Variants in PARVB observed in about 807,000 individuals in gnomAD.
PARVB encodes the protein beta-parvin.
A neutral mutation model predicts 47.0 loss-of-function variants in PARVB; 46 were observed. That is an observed-to-expected ratio of 0.98 (90% CI 0.77 to 1.25). PARVB has a LOEUF of 1.25. Ranked by LOEUF, PARVB falls within the 50% of genes most tolerant of loss-of-function variation. The probability of loss-of-function intolerance (pLI) is 0.00; values close to 1 mark genes in which losing one functional copy is unlikely to be tolerated. For missense variants in PARVB, 473 were observed against 471.6 expected (o/e 1.00, Z -0.03); for synonymous variants, 196 against 196.3 (o/e 1.00, Z 0.01).
chr22:44,151,217 A>G, intron 9 of PARVB: 1 of 373,588 alleles, frequency 2.7e-6, no homozygotes, highest in Non-Finnish European at 5.1e-6. Context: ...TGATTGTTAA[A>G]TATGTCATGC....
At position 44,030,415 on chromosome 22, in the gene PARVB, T is replaced by TG. The variant is rs563291393; in HGVS notation, c.112+5966dup. Among the ~76,000 whole-genome samples, 7 of 152,326 alleles carry TG rather than the reference T, an allele frequency of 4.6e-5. No homozygotes were observed. In the South Asian group the frequency reaches 1.4e-3, roughly 32 times the overall value. On this transcript the variant is annotated intron_variant, in intron 1 of 12. Coordinates refer to ENST00000338758, the MANE Select transcript of PARVB (RefSeq NM_013327.5). ...AGGAGACCCCCAGGCAGGCTCCCAG[T>TG]GGCTGAGCAACGGTGCAGCCTGTGG...
At chr22:44,157,204 C>A (rs2053954632) in intron 10 of PARVB, among the ~76,000 whole-genome samples, 1 of 152,196 alleles carries the variant, frequency 6.6e-6, no homozygotes, top group Non-Finnish European at 1.5e-5. Flanking sequence ...TGGTGAGGGC[C>A]ACCAGGTCCC....
chr22:44,165,804 A>G (rs1313518642), intron 12 of PARVB, among the ~76,000 whole-genome samples: 4 of 152,184 alleles, frequency 2.6e-5, no homozygotes, highest in Admixed American at 2.0e-4. Context: ...CTGAGCACCT[A>G]TTACGCTCAA....
intron 3 of PARVB, among the ~76,000 whole-genome samples, chr22:44,116,951 A>G (rs765115036): frequency 4.0e-5 from 6 of 151,802 alleles, no homozygotes; most frequent in Non-Finnish European, 8.8e-5. Context: ...CAAGAGGGAG[A>G]TGGGGAGGAG....
intron 3 of PARVB, chr22:44,115,030 A>T (rs1372110345): frequency 9.9e-6 from 1 of 100,668 alleles, no homozygotes; most frequent in Non-Finnish European, 2.0e-5. Context: ...GCACCAACAC[A>T]GATACATTGT....
At position 44,089,165 on chromosome 22, in the gene PARVB, C is replaced by T. The variant is rs1024882602; in HGVS notation, c.113-4763C>T. ...GTCTCTCTCTTCCTACCTGGCCCCC[C>T]GTGCAGGCCACAGAGCGTGGTGCTG... is the stretch of plus-strand genomic sequence containing the variant. On this transcript the variant is annotated intron_variant, in intron 1 of 12. Coordinates refer to ENST00000338758, the MANE Select transcript of PARVB (RefSeq NM_013327.5). The surrounding 1 kb of genome is among the most constrained non-coding windows in gnomAD (Gnocchi z 4.0). 6.6e-6 allele frequency among the ~76,000 whole-genome samples: 1 copy of T among 152,196 alleles called. No individual in the cohort carries two copies. Among genetic ancestry groups the T allele is most frequent in the African/African-American group, 2.4e-5 (1 of 41,444 alleles).
intron 2 of PARVB, among the ~76,000 whole-genome samples, chr22:44,015,705 G>C (rs1207244144): frequency 1.3e-5 from 2 of 152,166 alleles, no homozygotes; most frequent in Non-Finnish European, 2.9e-5. Context: ...TGTAGTCCCA[G>C]CTACTTGGGA....
At chr22:44,019,339 C>A (rs1040021156), upstream of PARVB, among the ~76,000 whole-genome samples, 32 of 152,262 alleles carry the variant, frequency 2.1e-4, no homozygotes, top group Non-Finnish European at 4.7e-4. Context: ...CCTGCCTCAG[C>A]CTCCCGAGTA....
chr22:44,068,428 A>G lies in PARVB; in HGVS notation c.113-25500A>G, dbSNP rs1432592675. Among the ~76,000 whole-genome samples the G allele has an allele frequency of 1.3e-5, 2 of 152,158 alleles. No individual in the cohort carries two copies. The highest frequency in any genetic ancestry group is 4.8e-5 in the African/African-American group (2 of 41,424). ...GGGGGAGCAAGTTGCCGGCCAAGGT[A>G]GGTATCATGCGAGTCCTACTTCTCC... On this transcript the variant is annotated intron_variant, in intron 1 of 12. Transcript: ENST00000338758. The surrounding 1 kb of genome is among the most constrained non-coding windows in gnomAD (Gnocchi z 4.1).
rs941628313 is a variant in PARVB, at chr22:44,049,592, C to T, written c.112+25141C>T. Among the ~76,000 whole-genome samples, 15 of 152,252 alleles carry T rather than the reference C, an allele frequency of 9.9e-5. No homozygotes were observed. The highest frequency in any genetic ancestry group is 2.4e-4 in the African/African-American group (10 of 41,476). On this transcript the variant is annotated intron_variant, in intron 1 of 12. Coordinates refer to ENST00000338758, the MANE Select transcript of PARVB (RefSeq NM_013327.5). This position sits in a 1 kb window ranked among gnomAD's most constrained non-coding sequence, Gnocchi z 4.0. ...AGCGATAAAAGGCCTGCTGAGGAAG[C>T]GGCCCCACTCCCAGCACAGCCCCAT...
Position 44,163,936 on chromosome 22 carries a change from G to A in PARVB, c.1018+6G>A, listed in dbSNP as rs1220137489. 1.2e-6 allele frequency: 2 copies of A among 1,606,734 alleles called. No homozygotes were observed. The highest frequency in any genetic ancestry group is 2.2e-5 in the East Asian group (1 of 44,540). ...ACCCAAGGCTCGTCCTGAAGGTAATGCCCCTGGCTCAGGTTCCCCCGGGAG... is the reference window on the plus strand; with the variant it reads ...ACCCAAGGCTCGTCCTGAAGGTAATACCCCTGGCTCAGGTTCCCCCGGGAG... On this transcript the variant is annotated splice_donor_region_variant and intron_variant, in intron 12 of 12. Transcript: ENST00000338758.
At chr22:44,101,138 G>A (rs954659366) in intron 3 of PARVB, among the ~76,000 whole-genome samples, 5 of 152,040 alleles carry the variant, frequency 3.3e-5, no homozygotes, top group Non-Finnish European at 7.4e-5. Flanking sequence ...GGCTGGGCGC[G>A]GTGGCTCACG....
At chr22:44,118,793 C>T (rs963319234) in intron 3 of PARVB, among the ~76,000 whole-genome samples, 3 of 151,822 alleles carry the variant, frequency 2.0e-5, no homozygotes, top group African/African-American at 7.3e-5. Flanking sequence ...TCTGTCCCTC[C>T]GCTTGCTCTG....
chr22:44,071,881 A>G (rs926425845), intron 1 of PARVB, among the ~76,000 whole-genome samples: 3 of 152,184 alleles, frequency 2.0e-5, no homozygotes, highest in Non-Finnish European at 4.4e-5. Context: ...GAACCCCTGT[A>G]GGCGTCCATG....
At chr22:44,153,965 G>A (rs1378151544) in intron 10 of PARVB, among the ~76,000 whole-genome samples, 1 of 152,216 alleles carries the variant, frequency 6.6e-6, no homozygotes, top group South Asian at 2.1e-4. Flanking sequence ...TAAAAGCCTA[G>A]AAGTGGAGTC....
At chr22:44,078,616 C>T (rs547756536) in intron 1 of PARVB, among the ~76,000 whole-genome samples, 5 of 152,358 alleles carry the variant, frequency 3.3e-5, no homozygotes, top group African/African-American at 1.2e-4. Context: ...AAGTCCCCCT[C>T]TTGCCATGTG....
chr22:44,163,823 G>T (rs368761234), intron 11 of PARVB, 35 bp from the exon 12 acceptor site: 13 of 1,562,122 alleles, frequency 8.3e-6, no homozygotes, highest in African/African-American at 1.4e-5. Context: ...ACGACTGTTG[G>T]ACCCTAACGC....
At chr22:44,023,640 G>T (rs1257944833), upstream of PARVB, among the ~76,000 whole-genome samples, 1 of 151,982 alleles carries the variant, frequency 6.6e-6, no homozygotes, top group Non-Finnish European at 1.5e-5. Context: ...GGATGAAGCC[G>T]TTTCCTCTGC....
intron 3 of PARVB, chr22:44,109,723 A>T (rs1360444890): frequency 6.6e-6 from 1 of 151,884 alleles, no homozygotes; most frequent in Non-Finnish European, 1.5e-5. Context: ...TGAAATCCAG[A>T]TGTGACTTTT....
Sources: allele counts gnomAD v4.1 joint callset (sites outside exome capture counted in the v4.1 genomes callset), GRCh38; gene constraint gnomAD v4.1.1; non-coding constraint Gnocchi (gnomAD v3.1); transcripts MANE v1.5; gene names NCBI Gene and HGNC (gene_info 2026-07-23, HGNC 2026-07-21).